SAMD5: variants seen among roughly 807,000 people sequenced by gnomAD.
The protein encoded by SAMD5 is sterile alpha motif domain-containing protein 5.
SAMD5 carries 13 observed loss-of-function variants against 11.3 expected under a neutral mutation model. The observed-to-expected ratio is 1.15, with a 90% CI of 0.75 to 1.83. The LOEUF (loss-of-function observed/expected upper bound fraction) is 1.83, where lower values mean the gene tolerates loss of function less well. SAMD5 is among the 40% of genes most tolerant of loss of function. The pLI is 0.00. For missense variants in SAMD5, 255 were observed against 239.1 expected, an observed-to-expected ratio of 1.07 and a Z score of -0.44; for synonymous variants, 129 against 111.3, an observed-to-expected ratio of 1.16 and a Z score of -1.00.
At chr6:147,796,770 A>G in the SAMD5 span, among the ~76,000 whole-genome samples, 27 of 151,782 alleles carry the variant, frequency 1.8e-4, no homozygotes, top group Admixed American at 2.6e-4. Flanking sequence ...TTCTGCTTGA[A>G]GAGGTCCTTC....
the SAMD5 span, among the ~76,000 whole-genome samples, chr6:147,853,301 A>G: frequency 6.6e-6 from 1 of 152,124 alleles, no homozygotes; most frequent in Non-Finnish European, 1.5e-5. Context: ...AAGGGAAGGG[A>G]AAGCCCTGTG....
At chr6:147,669,745 A>G (rs1790771740) in intron 1 of SAMD5, among the ~76,000 whole-genome samples, 2 of 151,906 alleles carry the variant, frequency 1.3e-5, no homozygotes, top group African/African-American at 4.8e-5. Context: ...TCCACTTCTA[A>G]TTCTAGTTCT....
At chr6:147,950,683 G>A in the SAMD5 span, among the ~76,000 whole-genome samples, 1 of 152,036 alleles carries the variant, frequency 6.6e-6, no homozygotes, top group Non-Finnish European at 1.5e-5. Context: ...CAGGTGTTGG[G>A]GACCTTAAGT....
At chr6:147,597,382 G>A (rs1291730195) in intron 1 of SAMD5, among the ~76,000 whole-genome samples, 1 of 152,132 alleles carries the variant, frequency 6.6e-6, no homozygotes, top group African/African-American at 2.4e-5. Flanking sequence ...AGTAAAAGGA[G>A]ACTATTTATT....
intron 1 of SAMD5, among the ~76,000 whole-genome samples, chr6:147,564,170 A>G (rs1788998085): frequency 6.6e-6 from 1 of 152,220 alleles, no homozygotes; most frequent in Non-Finnish European, 1.5e-5. Context: ...CTTTTTAAAC[A>G]AAATATAGGC....
intron 1 of SAMD5, among the ~76,000 whole-genome samples, chr6:147,624,402 C>T (rs939043994): frequency 6.6e-6 from 1 of 150,970 alleles, no homozygotes; most frequent in Non-Finnish European, 1.5e-5. Flanking sequence ...CTGGAGTGTG[C>T]GTTTTGCTCC....
intron 1 of SAMD5, among the ~76,000 whole-genome samples, chr6:147,561,076 T>C (rs1788940044): frequency 6.6e-6 from 1 of 152,232 alleles, no homozygotes; most frequent in South Asian, 2.1e-4. Flanking sequence ...TGGCAATCAC[T>C]TTAAAAAACA....
intron 1 of SAMD5, among the ~76,000 whole-genome samples, chr6:147,676,485 A>C (rs1220638172): frequency 6.6e-6 from 1 of 152,216 alleles, no homozygotes; most frequent in Non-Finnish European, 1.5e-5. Flanking sequence ...TTATTGGTAG[A>C]GTATGCTGTT....
intron 1 of SAMD5, among the ~76,000 whole-genome samples, chr6:147,671,343 T>A (rs887874235): frequency 3.3e-5 from 5 of 152,094 alleles, no homozygotes; most frequent in Non-Finnish European, 7.4e-5. Flanking sequence ...GCCATAAGAC[T>A]TGTTTGATGC....
Position 147,564,540 on chromosome 6 carries a change from G to A in SAMD5, c.*84G>A. On this transcript the variant is annotated 3_prime_UTR_variant, in exon 2 of 2. Transcript: ENST00000367474. ...ATATTTAGAACCTTCTTTCAAAAAGGGAAATGGATGATGACCCTGGAAATA... is the reference window on the plus strand; with the variant it reads ...ATATTTAGAACCTTCTTTCAAAAAGAGAAATGGATGATGACCCTGGAAATA... 1 of 1,031,058 alleles carries A rather than the reference G, an allele frequency of 9.7e-7. No homozygotes were observed. 63.9% of individuals were successfully genotyped at this position (1,031,058 alleles called of 1,614,324 possible). A position where few individuals can be genotyped will look rare whatever the true frequency, so the allele number is the denominator to read the frequency against.
At chr6:147,649,950 A>C (rs950976012) in intron 1 of SAMD5, among the ~76,000 whole-genome samples, 3 of 152,198 alleles carry the variant, frequency 2.0e-5, no homozygotes, top group African/African-American at 7.2e-5. Flanking sequence ...TAAGGGTATA[A>C]GTGTACCTTA....
intron 1 of SAMD5, among the ~76,000 whole-genome samples, chr6:147,533,478 A>AAAAAAAG: frequency 6.6e-6 from 1 of 150,928 alleles, no homozygotes; most frequent in Non-Finnish European, 1.5e-5. Context: ...AAAAAAAAAA[A>AAAAAAAG]AAGAAAGAAA....
At chr6:147,862,819 T>G in the SAMD5 span, among the ~76,000 whole-genome samples, 1 of 152,206 alleles carries the variant, frequency 6.6e-6, no homozygotes, top group East Asian at 1.9e-4. Flanking sequence ...TGTCTGATTT[T>G]GCATTTTAAC....
At chr6:147,907,517 G>A in the SAMD5 span, among the ~76,000 whole-genome samples, 3 of 152,322 alleles carry the variant, frequency 2.0e-5, no homozygotes, top group East Asian at 5.8e-4. Flanking sequence ...ATATCTCTGT[G>A]TTCACGTGGG....
At chr6:147,795,656 G>T in the SAMD5 span, among the ~76,000 whole-genome samples, 2 of 150,700 alleles carry the variant, frequency 1.3e-5, no homozygotes, top group Admixed American at 6.6e-5. Context: ...CTTCCACAAT[G>T]GTTGAACTAG....
chr6:147,532,301 C>T (rs1487926635), intron 1 of SAMD5, among the ~76,000 whole-genome samples: 3 of 152,030 alleles, frequency 2.0e-5, no homozygotes, highest in African/African-American at 4.8e-5. Context: ...CACCTTCCCC[C>T]ACCTCCCTGA....
chr6:147,901,947 A>G, the SAMD5 span, among the ~76,000 whole-genome samples: 1 of 152,114 alleles, frequency 6.6e-6, no homozygotes, highest in Non-Finnish European at 1.5e-5. Context: ...CAGCCCTAAC[A>G]TGATACTTAA....
chr6:147,670,259 C>T (rs966975729), intron 1 of SAMD5, among the ~76,000 whole-genome samples: 1 of 152,174 alleles, frequency 6.6e-6, no homozygotes, highest in Non-Finnish European at 1.5e-5. Flanking sequence ...GTTAGGCAGG[C>T]TTTGTTGTTC....
At chr6:147,760,462 C>G in the SAMD5 span, among the ~76,000 whole-genome samples, 7 of 151,922 alleles carry the variant, frequency 4.6e-5, no homozygotes, top group Non-Finnish European at 8.8e-5. Context: ...TTCAGCAAAC[C>G]AACTTGAGCC....
Sources: allele counts gnomAD v4.1 joint callset (sites outside exome capture counted in the v4.1 genomes callset), GRCh38; gene constraint gnomAD v4.1.1; transcripts MANE v1.5; gene names NCBI Gene and HGNC (gene_info 2026-07-23, HGNC 2026-07-21).